Variants in PNPLA8 observed in about 807,000 individuals in gnomAD.
The protein encoded by PNPLA8 is calcium-independent phospholipase A2-gamma.
Under a neutral mutation model 76.9 loss-of-function variants are expected in PNPLA8, and 39 were observed. That is an observed-to-expected ratio of 0.51 (90% CI 0.39 to 0.66). The LOEUF is 0.66. Among genes scored for constraint, PNPLA8 ranks in the 30% least tolerant of loss-of-function variants. The pLI, the probability that PNPLA8 is intolerant of heterozygous loss-of-function variation, is 0.00. For synonymous variants in PNPLA8, 301 were observed against 307.9 expected (o/e 0.98, Z 0.24); for missense variants, 887 against 918.0 (o/e 0.97, Z 0.44).
intron 9 of PNPLA8, 36 bp downstream of exon 9, chr7:108,487,722 TA>T: frequency 7.4e-7 from 1 of 1,359,832 alleles, no homozygotes; most frequent in Non-Finnish European, 1.0e-6. Flanking sequence ...TTTAATCATG[TA>T]AAATTTAAAA....
chr7:108,488,635 T>TA (rs1171805428), intron 8 of PNPLA8, among the ~76,000 whole-genome samples: 2 of 152,178 alleles, frequency 1.3e-5, no homozygotes, highest in African/African-American at 4.8e-5. Flanking sequence ...ACTTACAAAT[T>TA]AGTCTTTGTT....
chr7:108,512,178 A>C (rs183632235), intron 4 of PNPLA8, among the ~76,000 whole-genome samples: 104 of 152,350 alleles, frequency 6.8e-4, no homozygotes, highest in African/African-American at 2.4e-3. Flanking sequence ...AGCCAGAAAT[A>C]AAACTGTTTT....
chr7:108,512,298 A>G, intron 4 of PNPLA8, among the ~76,000 whole-genome samples: 1 of 152,290 alleles, frequency 6.6e-6, no homozygotes, highest in Non-Finnish European at 1.5e-5. Flanking sequence ...AGGGTAAAAT[A>G]TATTATTTTT....
intron 4 of PNPLA8, chr7:108,510,648 T>C: frequency 3.8e-6 from 6 of 1,583,724 alleles, no homozygotes; most frequent in Admixed American, 1.7e-5. Flanking sequence ...GAGCCATATA[T>C]TGCATGGGGG....
intron 2 of PNPLA8, among the ~76,000 whole-genome samples, chr7:108,520,856 T>C (rs1220145335): frequency 6.6e-6 from 1 of 152,094 alleles, no homozygotes; most frequent in East Asian, 1.9e-4. Context: ...CTTAAAAACA[T>C]CATGTTGCAC....
chr7:108,525,144 T>C (rs1372874039), intron 1 of PNPLA8, among the ~76,000 whole-genome samples: 1 of 152,250 alleles, frequency 6.6e-6, no homozygotes, highest in Non-Finnish European at 1.5e-5. Context: ...CATGTTCTTA[T>C]ATTGAAAGGA....
At chr7:108,489,990 A>G (rs1465834192) in intron 8 of PNPLA8, among the ~76,000 whole-genome samples, 1 of 152,244 alleles carries the variant, frequency 6.6e-6, no homozygotes, top group Non-Finnish European at 1.5e-5. Flanking sequence ...CATGCATTGC[A>G]TATCAATGTT....
chr7:108,499,969 T>C (rs183467782), intron 5 of PNPLA8, among the ~76,000 whole-genome samples: 198 of 152,342 alleles, frequency 1.3e-3, no homozygotes, highest in Non-Finnish European at 2.4e-3. Context: ...GTCCTGAGCA[T>C]TCTTTAAAAT....
chr7:108,486,018 G>T (rs1012865665), intron 9 of PNPLA8, among the ~76,000 whole-genome samples: 1 of 151,792 alleles, frequency 6.6e-6, no homozygotes, highest in African/African-American at 2.4e-5. Flanking sequence ...AAAGGATTAC[G>T]GTCATCAATA....
intron 2 of PNPLA8, among the ~76,000 whole-genome samples, chr7:108,517,735 G>A (rs933159037): frequency 6.6e-6 from 1 of 152,108 alleles, no homozygotes; most frequent in Non-Finnish European, 1.5e-5. Context: ...CCCATAAACT[G>A]GGGAGCTTAC....
chr7:108,514,504 T>C lies in PNPLA8; in HGVS notation c.988A>G (p.Thr330Ala). 1 of 1,613,330 alleles carries C rather than the reference T, an allele frequency of 6.2e-7. No individual in the cohort carries two copies. Among genetic ancestry groups the C allele is most frequent in the Non-Finnish European group, 8.5e-7 (1 of 1,179,276 alleles). ...QSEEQEEPAK[T>A]DQAVSKDRNA... ...CTGTCTTTGCTGACAGCCTGATCAGTTTTAGCAGGCTCTTCCTGTTCTTCT... is the reference window on the plus strand; with the variant it reads ...CTGTCTTTGCTGACAGCCTGATCAGCTTTAGCAGGCTCTTCCTGTTCTTCT... Residue 330 changes from threonine (T) to alanine (A), a missense_variant, in exon 3 of 11, where the codon ACT (threonine) becomes GCT (alanine). Coordinates refer to ENST00000257694, the MANE Select transcript of PNPLA8 (RefSeq NM_001256007.3).
intron 1 of PNPLA8, among the ~76,000 whole-genome samples, chr7:108,522,017 C>T (rs1455565721): frequency 3.3e-5 from 5 of 152,076 alleles, no homozygotes; most frequent in African/African-American, 4.8e-5. Context: ...ATTTACAGGC[C>T]GGGCGTGGTG....
intron 4 of PNPLA8, among the ~76,000 whole-genome samples, chr7:108,508,670 A>G (rs1212436736): frequency 1.4e-5 from 2 of 145,862 alleles, no homozygotes; most frequent in Non-Finnish European, 3.0e-5. Context: ...AATTGGAAAA[A>G]ACTACTTTAA....
intron 5 of PNPLA8, 35 bp downstream of exon 5, chr7:108,502,456 A>AG (rs1862028702): frequency 7.3e-7 from 1 of 1,361,978 alleles, no homozygotes; most frequent in African/African-American, 1.5e-5. Flanking sequence ...AAAAAAAAAA[A>AG]AAAAAAAAAA....
rs567138033 is a variant in PNPLA8, at chr7:108,514,247, T to C, written c.1103A>G (p.Gln368Arg). 2 of 1,611,390 alleles carry C rather than the reference T, an allele frequency of 1.2e-6. No homozygotes were observed. Among genetic ancestry groups the C allele is most frequent in the South Asian group, 2.2e-5 (2 of 91,022 alleles). The stretch of plus-strand genomic sequence containing the variant: ...TGGGTCAGTTGTTCTTCTTAATGCC[T>C]GAACTAATGCCCGGGTCCTGTTATC... ...SIDNRTRALVQALRRTTDPKL... is the reference protein window; with the variant it reads ...SIDNRTRALVRALRRTTDPKL... Residue 368 changes from glutamine (Q) to arginine (R), a missense_variant, in exon 4 of 11, where the codon CAG becomes CGG. Transcript: ENST00000257694.
chr7:108,510,248 G>C, intron 4 of PNPLA8: 1 of 1,506,684 alleles, frequency 6.6e-7, no homozygotes, highest in Non-Finnish European at 9.1e-7. Context: ...GGGTGTAGAA[G>C]AGAAGAAGAA....
At chr7:108,483,111 G>A (rs947656388) in intron 9 of PNPLA8, among the ~76,000 whole-genome samples, 6 of 152,190 alleles carry the variant, frequency 3.9e-5, no homozygotes, top group South Asian at 2.1e-4. Flanking sequence ...TCAAAAACTT[G>A]TATCCCAAAT....
Position 108,471,027 on chromosome 7 carries a change from G to C in PNPLA8, c.*1374C>G, listed in dbSNP as rs1170519945. On this transcript the variant is annotated 3_prime_UTR_variant, in exon 11 of 11. Transcript: ENST00000257694. ...AGTTTGTATGTCTAAAACAAGGGGCGCTAACCTTTGTTTCATTTTTCTTAA... is the reference window on the plus strand; with the variant it reads ...AGTTTGTATGTCTAAAACAAGGGGCCCTAACCTTTGTTTCATTTTTCTTAA... 6.6e-6 allele frequency: 1 copy of C among 152,052 alleles called. No homozygotes were observed. The highest frequency in any genetic ancestry group is 1.5e-5 in the Non-Finnish European group (1 of 68,010). 9.4% of individuals were successfully genotyped at this position (152,052 alleles called of 1,614,324 possible). A position where few individuals can be genotyped will look rare whatever the true frequency, so the allele number is the denominator to read the frequency against.
At chr7:108,500,153 C>T (rs960145026) in intron 5 of PNPLA8, among the ~76,000 whole-genome samples, 5 of 152,106 alleles carry the variant, frequency 3.3e-5, no homozygotes, top group Non-Finnish European at 7.4e-5. Flanking sequence ...CATAGTAGGC[C>T]CCCAATATTT....
Sources: gnomAD v4.1 joint callset for allele counts (sites outside exome capture counted in the v4.1 genomes callset) on GRCh38, gnomAD v4.1.1 for gene constraint, MANE v1.5 for transcripts, NCBI Gene and HGNC (gene_info 2026-07-23, HGNC 2026-07-21) for gene names.